ZNF475: variants seen among roughly 807,000 people sequenced by gnomAD.
ZNF475 encodes the protein zinc finger protein 475.
chr5:122,174,938 C>T, the ZNF475 span, among the ~76,000 whole-genome samples: 2 of 152,186 alleles, frequency 1.3e-5, no homozygotes, highest in African/African-American at 4.8e-5. Flanking sequence ...TTTCCTTATG[C>T]TTTGTACTTT....
chr5:122,174,775 C>T, the ZNF475 span, among the ~76,000 whole-genome samples: 1 of 152,130 alleles, frequency 6.6e-6, no homozygotes, highest in African/African-American at 2.4e-5. Flanking sequence ...GGATTTGGCT[C>T]ATACTTTCCA....
At chr5:122,173,067 T>A in the ZNF475 span, among the ~76,000 whole-genome samples, 16 of 152,158 alleles carry the variant, frequency 1.1e-4, no homozygotes, top group Non-Finnish European at 2.4e-4. Context: ...ATGTGGAGTG[T>A]TTCTGATATT....
At chr5:122,170,522 G>T in the ZNF475 span, among the ~76,000 whole-genome samples, 1 of 152,162 alleles carries the variant, frequency 6.6e-6, no homozygotes, top group African/African-American at 2.4e-5. Context: ...GGTACACAGG[G>T]CAAAGTACGG....
At chr5:122,175,515 C>T in the ZNF475 span, among the ~76,000 whole-genome samples, 3 of 152,276 alleles carry the variant, frequency 2.0e-5, no homozygotes, top group East Asian at 5.8e-4. Context: ...GAATATTCTT[C>T]CCTAATTGAA....
the ZNF475 span, among the ~76,000 whole-genome samples, chr5:122,176,900 T>C: frequency 6.6e-6 from 1 of 152,346 alleles, no homozygotes; most frequent in South Asian, 2.1e-4. Context: ...GCAATGATTC[T>C]TGTCCTTTTC....
the ZNF475 span, among the ~76,000 whole-genome samples, chr5:122,174,593 T>C: frequency 6.6e-6 from 1 of 152,246 alleles, no homozygotes; most frequent in Admixed American, 6.5e-5. Flanking sequence ...TTCACCTTTT[T>C]ATGGTATTAA....
At chr5:122,167,887 T>C in the ZNF475 span, among the ~76,000 whole-genome samples, 3 of 152,228 alleles carry the variant, frequency 2.0e-5, no homozygotes, top group African/African-American at 7.2e-5. Flanking sequence ...CTGTGTGTAC[T>C]CTTGTGTTTG....
At chr5:122,171,525 T>C in the ZNF475 span, among the ~76,000 whole-genome samples, 1 of 152,182 alleles carries the variant, frequency 6.6e-6, no homozygotes. Context: ...TGTAGGATAA[T>C]ATTTCTTCAC....
the ZNF475 span, among the ~76,000 whole-genome samples, chr5:122,171,077 C>T: frequency 6.6e-6 from 1 of 151,950 alleles, no homozygotes; most frequent in African/African-American, 2.4e-5. Context: ...GTATTCATTC[C>T]TAATATTAAT....
At chr5:122,161,815 CA>C in the ZNF475 span, among the ~76,000 whole-genome samples, 1 of 152,120 alleles carries the variant, frequency 6.6e-6, no homozygotes, top group Non-Finnish European at 1.5e-5. Flanking sequence ...GCACAAGAAC[CA>C]AACACCAAGA....
At chr5:122,172,961 A>G in the ZNF475 span, among the ~76,000 whole-genome samples, 63 of 152,118 alleles carry the variant, frequency 4.1e-4, no homozygotes, top group African/African-American at 1.5e-3. Flanking sequence ...TGAACCCGGG[A>G]GGCAGAGCTT....
At chr5:122,173,221 G>A in the ZNF475 span, among the ~76,000 whole-genome samples, 1 of 152,034 alleles carries the variant, frequency 6.6e-6, no homozygotes, top group Non-Finnish European at 1.5e-5. Context: ...AACAATATTA[G>A]TTATTGAGTT....
At chr5:122,182,443 T>C in the ZNF475 span, 19 of 1,374,898 alleles carry the variant, frequency 1.4e-5, no homozygotes, top group African/African-American at 8.9e-5. Flanking sequence ...TTGTTTTTGG[T>C]ATTTTTTTTT....
the ZNF475 span, among the ~76,000 whole-genome samples, chr5:122,164,837 C>T: frequency 5.9e-5 from 9 of 152,164 alleles, no homozygotes; most frequent in Non-Finnish European, 1.2e-4. Flanking sequence ...TCTCACCCTG[C>T]CTCTGTATCT....
chr5:122,169,291 C>T, the ZNF475 span, among the ~76,000 whole-genome samples: 1 of 152,198 alleles, frequency 6.6e-6, no homozygotes, highest in Non-Finnish European at 1.5e-5. Context: ...CAAAACACTT[C>T]CCTTTCTTTC....
At chr5:122,179,654 G>A in the ZNF475 span, 3 of 1,534,802 alleles carry the variant, frequency 2.0e-6, no homozygotes, top group African/African-American at 1.4e-5. Context: ...TGAAAAAATG[G>A]CATAATGAAA....
At chr5:122,178,391 T>A in the ZNF475 span, among the ~76,000 whole-genome samples, 2 of 152,226 alleles carry the variant, frequency 1.3e-5, no homozygotes, top group African/African-American at 2.4e-5. Flanking sequence ...TTTCTCCACA[T>A]CCTCTCCAGC....
At chr5:122,174,818 A>T in the ZNF475 span, among the ~76,000 whole-genome samples, 1 of 152,344 alleles carries the variant, frequency 6.6e-6, no homozygotes, top group Non-Finnish European at 1.5e-5. Flanking sequence ...TATTTTCAAA[A>T]TGAAAAGAAT....
chr5:122,170,355 A>G, the ZNF475 span, among the ~76,000 whole-genome samples: 1 of 152,136 alleles, frequency 6.6e-6, no homozygotes, highest in Non-Finnish European at 1.5e-5. Context: ...GGTTACTCAC[A>G]CTTCTGTCAA....
Sources: allele counts gnomAD v4.1 joint callset (sites outside exome capture counted in the v4.1 genomes callset), GRCh38; gene constraint gnomAD v4.1.1; transcripts MANE v1.5; gene names NCBI Gene and HGNC (gene_info 2026-07-23, HGNC 2026-07-21).